Variants in CSTF3 observed in about 807,000 individuals in gnomAD.
CSTF3 encodes CF-1 77 kDa subunit.
CSTF3 carries 29 observed loss-of-function variants against 105.8 expected under a neutral mutation model. The observed-to-expected ratio is 0.27, with a 90% CI of 0.20 to 0.37. The LOEUF is 0.37. Among genes scored for constraint, CSTF3 ranks in the 10% least tolerant of loss-of-function variants. The pLI, the probability that CSTF3 is intolerant of heterozygous loss-of-function variation, is 1.00. For missense variants in CSTF3, 357 were observed against 879.3 expected, an observed-to-expected ratio of 0.41 and a Z score of 7.51; for synonymous variants, 252 against 281.9, an observed-to-expected ratio of 0.89 and a Z score of 1.06.
intron 2 of CSTF3, 21 bp downstream of exon 2, chr11:33,141,864 T>C (rs1458285447): frequency 1.9e-6 from 3 of 1,578,610 alleles, no homozygotes; most frequent in African/African-American, 2.7e-5. Flanking sequence ...GAGAAGGAAA[T>C]GTAATCCTAT....
intron 1 of CSTF3, among the ~76,000 whole-genome samples, chr11:33,158,870 C>T (rs1849899738): frequency 6.6e-6 from 1 of 152,062 alleles, no homozygotes; most frequent in Non-Finnish European, 1.5e-5. Flanking sequence ...CCCAGAAAAG[C>T]AGTGTTAAGT....
At chr11:33,117,470 T>C (rs866794244) in intron 3 of CSTF3, among the ~76,000 whole-genome samples, 2 of 151,980 alleles carry the variant, frequency 1.3e-5, no homozygotes, top group Non-Finnish European at 2.9e-5. Context: ...GCAGCATTTA[T>C]TAAATATTTA....
intron 15 of CSTF3, 44 bp from the exon 16 acceptor site, chr11:33,092,384 C>A: frequency 7.8e-7 from 1 of 1,288,198 alleles, no homozygotes; most frequent in Non-Finnish European, 1.1e-6. Context: ...TTCACTTTTA[C>A]GATGCAACAA....
chr11:33,129,655 A>G lies in CSTF3; in HGVS notation c.225+12012T>C, dbSNP rs145930926. ...GAACTTTTAAGGACTAGTCCTCCAC[A>G]TACAAAATTACTTTCCAAGGTTTGC... On this transcript the variant is annotated intron_variant, in intron 3 of 20. Coordinates refer to ENST00000323959, the MANE Select transcript of CSTF3 (RefSeq NM_001326.3). 7.8e-4 allele frequency among the ~76,000 whole-genome samples: 119 copies of G among 152,336 alleles called. 1 individual carries two copies. The highest frequency in any genetic ancestry group is 3.4e-3 in the Middle Eastern group (1 of 294).
rs140332129 is a variant in CSTF3, at chr11:33,159,248, A to T, written c.27+2051T>A. On this transcript the variant is annotated intron_variant, in intron 1 of 20. Coordinates refer to ENST00000323959, the MANE Select transcript of CSTF3 (RefSeq NM_001326.3). ...TGAGGTGGGTGAATCGCTTGAGCCC[A>T]GGAGTTCCAGACCAGGCTGGGCAAC... Among the ~76,000 whole-genome samples the T allele has an allele frequency of 3.1e-3, 474 of 152,188 alleles. 2 individuals carry two copies. The highest frequency in any genetic ancestry group is 0.011 in the African/African-American group (454 of 41,542).
intron 17 of CSTF3, among the ~76,000 whole-genome samples, chr11:33,089,257 G>T (rs1385496566): frequency 6.7e-6 from 1 of 150,306 alleles, no homozygotes; most frequent in African/African-American, 2.5e-5. Context: ...CTGAACAGGA[G>T]ATCACCTGAG....
chr11:33,156,037 C>A (rs1343899136), intron 1 of CSTF3, among the ~76,000 whole-genome samples: 1 of 152,148 alleles, frequency 6.6e-6, no homozygotes, highest in African/African-American at 2.4e-5. Flanking sequence ...TCTGCTGTAT[C>A]TCTAAGAAAA....
intron 13 of CSTF3, among the ~76,000 whole-genome samples, chr11:33,097,756 G>A (rs995235610): frequency 2.0e-5 from 3 of 152,124 alleles, no homozygotes; most frequent in Admixed American, 2.0e-4. Context: ...GAACTTCATG[G>A]ATAAACTATG....
chr11:33,158,303 C>A (rs908075822), intron 1 of CSTF3, among the ~76,000 whole-genome samples: 4 of 152,072 alleles, frequency 2.6e-5, no homozygotes, highest in African/African-American at 9.7e-5. Context: ...AAGGTTTGGA[C>A]AAGTTGAGTG....
intron 9 of CSTF3, among the ~76,000 whole-genome samples, chr11:33,102,787 C>T (rs1268736092): frequency 6.6e-6 from 1 of 152,080 alleles, no homozygotes; most frequent in Non-Finnish European, 1.5e-5. Flanking sequence ...TATTAGACCA[C>T]AGAGTAATAC....
At chr11:33,134,622 T>C (rs1855633983) in intron 3 of CSTF3, among the ~76,000 whole-genome samples, 1 of 152,212 alleles carries the variant, frequency 6.6e-6, no homozygotes, top group Non-Finnish European at 1.5e-5. Flanking sequence ...ATATCATTAG[T>C]ACTTGGATTC....
chr11:33,109,345 G>A (rs1312609501), intron 3 of CSTF3, among the ~76,000 whole-genome samples: 1 of 152,184 alleles, frequency 6.6e-6, no homozygotes, highest in Non-Finnish European at 1.5e-5. Flanking sequence ...TAATAGAGTA[G>A]TATTCCCAGT....
chr11:33,108,474 G>A (rs183096918), intron 3 of CSTF3, 56 bp from the exon 4 acceptor site: 391 of 1,308,710 alleles, frequency 3.0e-4, no homozygotes, highest in Non-Finnish European at 3.7e-4. Flanking sequence ...GCATCAGTCT[G>A]AATTTTTGAC....
In CSTF3 at chr11:33,092,286, G is replaced by T; in HGVS notation, c.1430C>A (p.Pro477His). The T allele has an allele frequency of 6.2e-7, 1 of 1,600,060 alleles. No homozygotes were observed. Among genetic ancestry groups the T allele is most frequent in the Non-Finnish European group, 8.5e-7 (1 of 1,174,708 alleles). ...FERVLTSGSLPPEKSGEIWAR... is the reference protein window; with the variant it reads ...FERVLTSGSLHPEKSGEIWAR... ...AATGGCTTACCCAGACTTCTCAGGA[G>T]GAAGGCTTCCAGATGTTAAAACTCG... The change falls in exon 16 of 21, where the codon CCT becomes CAT. Residue 477 changes from proline to histidine, a missense_variant. Coordinates refer to ENST00000323959, the MANE Select transcript of CSTF3 (RefSeq NM_001326.3).
chr11:33,090,713 C>T lies in CSTF3; in HGVS notation c.1460G>A (p.Arg487Gln), dbSNP rs765742783. 6 of 1,537,088 alleles carry T rather than the reference C, an allele frequency of 3.9e-6. No individual in the cohort carries two copies. The highest frequency in any genetic ancestry group is 5.2e-6 in the Non-Finnish European group (6 of 1,144,288). The change falls in exon 17 of 21, where the codon CGA (arginine) becomes CAA (glutamine). Residue 487 changes from arginine (R) to glutamine (Q), a missense_variant. Physicochemically the swap from Arg to Gln is conservative, Grantham distance 43. This residue lies in a region of CSTF3 where 206 missense variants were observed against 576.5 expected (regional missense o/e 0.36). Coordinates refer to ENST00000323959, the MANE Select transcript of CSTF3 (RefSeq NM_001326.3). ...PPEKSGEIWARFLAFESNIGD... is the reference protein window; with the variant it reads ...PPEKSGEIWAQFLAFESNIGD... ...AATATTACTTTCAAATGCTAGAAAT[C>T]GGGCCCAGATTTCTCTGCAAGAAAA...
intron 15 of CSTF3, among the ~76,000 whole-genome samples, chr11:33,095,776 T>C (rs1349499663): frequency 1.3e-5 from 2 of 150,692 alleles, no homozygotes; most frequent in African/African-American, 4.9e-5. Flanking sequence ...GAGCCGAGAT[T>C]GCGCCACTGC....
chr11:33,114,006 T>C (rs1471001665), intron 3 of CSTF3, among the ~76,000 whole-genome samples: 1 of 152,226 alleles, frequency 6.6e-6, no homozygotes, highest in Non-Finnish European at 1.5e-5. Context: ...AGGCCTTTGT[T>C]AACTTCCACA....
At chr11:33,142,596 T>C (rs1464944311) in intron 1 of CSTF3, among the ~76,000 whole-genome samples, 1 of 152,176 alleles carries the variant, frequency 6.6e-6, no homozygotes, top group Non-Finnish European at 1.5e-5. Flanking sequence ...TCAAACTTTA[T>C]GGTCTCAGGA....
intron 1 of CSTF3, among the ~76,000 whole-genome samples, chr11:33,142,803 T>C (rs926471996): frequency 6.6e-6 from 1 of 152,254 alleles, no homozygotes; most frequent in Non-Finnish European, 1.5e-5. Context: ...TATAAATCCA[T>C]TCAATGTTTG....
Sources: allele counts gnomAD v4.1 joint callset (sites outside exome capture counted in the v4.1 genomes callset), GRCh38; gene constraint gnomAD v4.1.1; regional missense constraint gnomAD v4.1.1; transcripts MANE v1.5; gene names NCBI Gene and HGNC (gene_info 2026-07-23, HGNC 2026-07-21).